Variants in MINAR1 observed in about 807,000 individuals in gnomAD.
The protein encoded by MINAR1 is major intrinsically disordered Notch2-binding receptor 1.
In MINAR1, 40 loss-of-function variants were observed where a neutral mutation model predicts 65.1. The ratio of observed to expected loss-of-function variants is 0.61; its 90% CI spans 0.48 to 0.80. MINAR1 has a LOEUF of 0.80. Ranked by LOEUF, MINAR1 falls within the 30% of genes least tolerant of loss-of-function variation. MINAR1 has a pLI of 0.00. For missense variants in MINAR1, 1,128 were observed against 1,148.0 expected, an observed-to-expected ratio of 0.98 and a Z score of 0.25; for synonymous variants, 482 against 449.1, an observed-to-expected ratio of 1.07 and a Z score of -0.93.
At chr15:79,463,737 T>C in intron 3 of MINAR1, 1 of 461,790 alleles carries the variant, frequency 2.2e-6, no homozygotes, top group South Asian at 1.5e-5. Flanking sequence ...CTATGGATTA[T>C]GTTTCCATAC....
rs1340771458 is a variant in MINAR1, at chr15:79,458,276, G to A, written c.2129G>A (p.Arg710Lys). The A allele has an allele frequency of 6.2e-7, 1 of 1,614,106 alleles. No individual in the cohort carries two copies. Residue 710 changes from arginine to lysine, a missense_variant, in exon 2 of 4, where the codon AGG (arginine) becomes AAG (lysine). By Grantham distance (26) the Arg-to-Lys change is conservative. Coordinates refer to ENST00000305428, the MANE Select transcript of MINAR1 (RefSeq NM_015206.3). ...AGCCTCTTCACCAGGCCATCCTCTAGGTCCCTAACAGAGGAGAACAGTGCC... is the reference window on the plus strand; with the variant it reads ...AGCCTCTTCACCAGGCCATCCTCTAAGTCCCTAACAGAGGAGAACAGTGCC... The part of the protein sequence containing the change: ...KKSLFTRPSS[R>K]SLTEENSATE...
the MINAR1 span, chr15:79,419,410 G>A: frequency 1.3e-5 from 2 of 152,244 alleles, no homozygotes; most frequent in African/African-American, 4.8e-5. Flanking sequence ...GGATCTGAAT[G>A]GGCTTGGACT....
At chr15:79,413,891 T>G in the MINAR1 span, 2 of 152,116 alleles carry the variant, frequency 1.3e-5, no homozygotes, top group Non-Finnish European at 2.9e-5. Flanking sequence ...AACATATCAC[T>G]GTGCACTATG....
chr15:79,428,519 C>CCCTCCCTT, upstream of MINAR1, among the ~76,000 whole-genome samples: 2 of 141,576 alleles, frequency 1.4e-5, no homozygotes, highest in Non-Finnish European at 3.1e-5. Context: ...TTCCCTCCTT[C>CCCTCCCTT]CCTCCCTTTT....
intron 1 of MINAR1, among the ~76,000 whole-genome samples, chr15:79,446,436 ATTTCTT>A (rs1028701190): frequency 3.9e-5 from 6 of 152,002 alleles, no homozygotes; most frequent in African/African-American, 1.4e-4. Flanking sequence ...CTCTGAAACT[ATTTCTT>A]TATCTTTACT....
chr15:79,471,307 T>A lies in MINAR1; in HGVS notation c.*2923T>A, dbSNP rs1260562480. On this transcript the variant is annotated 3_prime_UTR_variant, in exon 4 of 4. Coordinates refer to ENST00000305428, the MANE Select transcript of MINAR1 (RefSeq NM_015206.3). ...AGTAATAAAATATTATTTGAGATTA[T>A]TTTGAAATTAAATATCCTTAACCAA... The A allele has an allele frequency of 6.6e-6, 1 of 152,666 alleles. No homozygotes were observed. Among genetic ancestry groups the A allele is most frequent in the Non-Finnish European group, 1.5e-5 (1 of 68,042 alleles). The allele number at this position is 152,666 out of a possible 1,614,324, so 9.5% of individuals were successfully genotyped here.
At position 79,456,681 on chromosome 15, in the gene MINAR1, G is replaced by A. The variant is rs200318740; in HGVS notation, c.534G>A (p.Leu178=). Residue 178 remains leucine (L), a synonymous_variant, in exon 2 of 4, where the codon CTG becomes CTA. Transcript: ENST00000305428. ...TCCCTGCCTCTGAGCCTAACTTCCT[G>A]TTGGGAGTTAGCAAAGAGGTGAAAA... ...QFVPASEPNF[L]LGVSKEVKNR... 13 of 1,614,190 alleles carry A rather than the reference G, an allele frequency of 8.1e-6. No homozygotes were observed. Among genetic ancestry groups the A allele is most frequent in the South Asian group, 6.6e-5 (6 of 91,076 alleles).
chr15:79,440,730 G>T (rs756023646), intron 1 of MINAR1, among the ~76,000 whole-genome samples: 32 of 152,088 alleles, frequency 2.1e-4, no homozygotes, highest in Non-Finnish European at 2.1e-4. Flanking sequence ...CACATTCAAA[G>T]GTATCTTTCC....
chr15:79,428,292 CTCCT>C (rs1456215379), upstream of MINAR1, among the ~76,000 whole-genome samples: 3 of 125,086 alleles, frequency 2.4e-5, no homozygotes, highest in African/African-American at 3.1e-5. Flanking sequence ...CCCTCCCTCC[CTCCT>C]TCCTTCTTCT....
chr15:79,459,340 C>T (rs1322377312), intron 2 of MINAR1, among the ~76,000 whole-genome samples: 2 of 152,214 alleles, frequency 1.3e-5, no homozygotes, highest in African/African-American at 4.8e-5. Flanking sequence ...TAGCAGACTT[C>T]ACTTCCTCAG....
intron 1 of MINAR1, among the ~76,000 whole-genome samples, chr15:79,448,956 AG>A (rs746656185): frequency 6.6e-5 from 10 of 152,180 alleles, no homozygotes; most frequent in Non-Finnish European, 7.4e-5. Flanking sequence ...AGATTGTGAA[AG>A]GGTGGGTATT....
rs1484901948 is a variant in MINAR1, at chr15:79,470,194, T to C, written c.*1810T>C. Reference sequence around the variant, plus strand: ...TGAAAATGAAAAAAATATGTTACTCTCTATCATCAGAATTATAGTCTTTGG... The same window carrying C: ...TGAAAATGAAAAAAATATGTTACTCCCTATCATCAGAATTATAGTCTTTGG... On this transcript the variant is annotated 3_prime_UTR_variant, in exon 4 of 4. Transcript: ENST00000305428. 1 of 152,644 alleles carries C rather than the reference T, an allele frequency of 6.6e-6. No individual in the cohort carries two copies. The highest frequency in any genetic ancestry group is 1.5e-5 in the Non-Finnish European group (1 of 68,048). The allele number at this position is 152,644 out of a possible 1,614,324, so 9.5% of individuals were successfully genotyped here. A position where few individuals can be genotyped will look rare whatever the true frequency, so the allele number is the denominator to read the frequency against.
intron 1 of MINAR1, among the ~76,000 whole-genome samples, chr15:79,436,401 T>C (rs940108945): frequency 2.6e-5 from 4 of 152,212 alleles, no homozygotes; most frequent in Non-Finnish European, 5.9e-5. Context: ...TTTGGTAATA[T>C]ACTCAGGTTA....
intron 1 of MINAR1, among the ~76,000 whole-genome samples, chr15:79,451,550 C>A (rs1339102755): frequency 1.3e-5 from 2 of 152,302 alleles, no homozygotes; most frequent in Non-Finnish European, 2.9e-5. Context: ...TTGGCTTGGG[C>A]AGTCAGTTGG....
the MINAR1 span, chr15:79,420,499 T>G: frequency 6.6e-6 from 1 of 152,234 alleles, no homozygotes; most frequent in African/African-American, 2.4e-5. Flanking sequence ...TGGTGGTCCC[T>G]CTAGAGATAC....
intron 1 of MINAR1, among the ~76,000 whole-genome samples, chr15:79,442,592 G>GAAAAAAA (rs35688303): frequency 8.1e-6 from 1 of 122,718 alleles, no homozygotes; most frequent in Non-Finnish European, 1.8e-5. Context: ...CCATAAAAAT[G>GAAAAAAA]AAAAAAAAAA....
chr15:79,458,549 C>G, intron 2 of MINAR1, 104 bp downstream of exon 2: 2 of 1,362,614 alleles, frequency 1.5e-6, no homozygotes, highest in Non-Finnish European at 2.0e-6. Flanking sequence ...GGCCTGGCCT[C>G]TGTGTGCCAG....
At chr15:79,464,722 G>A (rs1433634929) in intron 3 of MINAR1, among the ~76,000 whole-genome samples, 1 of 152,176 alleles carries the variant, frequency 6.6e-6, no homozygotes, top group African/African-American at 2.4e-5. Flanking sequence ...TGAGGGTTGT[G>A]GGGGCATCAG....
intron 1 of MINAR1, among the ~76,000 whole-genome samples, chr15:79,446,636 T>C (rs948890296): frequency 7.2e-5 from 11 of 152,204 alleles, no homozygotes; most frequent in Admixed American, 5.2e-4. Flanking sequence ...TATTCTTTAG[T>C]TTCAATATGA....
Sources: allele counts gnomAD v4.1 joint callset (sites outside exome capture counted in the v4.1 genomes callset), GRCh38; gene constraint gnomAD v4.1.1; transcripts MANE v1.5; gene names NCBI Gene and HGNC (gene_info 2026-07-23, HGNC 2026-07-21).